ARHGEF3: variants seen among roughly 807,000 people sequenced by gnomAD.
ARHGEF3 encodes the protein Rho guanine nucleotide exchange factor 3.
Under a neutral mutation model 63.2 loss-of-function variants are expected in ARHGEF3, and 28 were observed. That is an observed-to-expected ratio of 0.44 (90% CI 0.33 to 0.61). ARHGEF3 has a LOEUF of 0.61. ARHGEF3 is among the 20% of genes least tolerant of loss of function. The pLI, the probability that ARHGEF3 is intolerant of heterozygous loss-of-function variation, is 0.03. For missense variants in ARHGEF3, 533 were observed against 659.3 expected (o/e 0.81, Z 2.10); for synonymous variants, 266 against 254.2 (o/e 1.05, Z -0.44).
chr3:56,862,077 G>A (rs1183816879), intron 4 of ARHGEF3, among the ~76,000 whole-genome samples: 1 of 152,048 alleles, frequency 6.6e-6, no homozygotes, highest in Non-Finnish European at 1.5e-5. Flanking sequence ...TTAAAATGAA[G>A]GAGCAAATGA....
chr3:56,990,801 T>C (rs929953961), intron 2 of ARHGEF3, among the ~76,000 whole-genome samples: 4 of 152,164 alleles, frequency 2.6e-5, no homozygotes, highest in Non-Finnish European at 5.9e-5. Context: ...AGCTCATGAA[T>C]GGCAGAGCTT....
intron 2 of ARHGEF3, among the ~76,000 whole-genome samples, chr3:56,995,957 C>A (rs1165421351): frequency 4.6e-5 from 7 of 152,102 alleles, no homozygotes; most frequent in Non-Finnish European, 8.8e-5. Context: ...AGAAGTAATT[C>A]ATCAGCTGAG....
chr3:56,872,167 A>G (rs1176716614), intron 4 of ARHGEF3, among the ~76,000 whole-genome samples: 3 of 152,190 alleles, frequency 2.0e-5, no homozygotes, highest in African/African-American at 7.2e-5. Flanking sequence ...CTTTGGGCAC[A>G]TATAAACAGT....
At chr3:57,030,998 C>A (rs1703708222) in intron 2 of ARHGEF3, among the ~76,000 whole-genome samples, 1 of 152,218 alleles carries the variant, frequency 6.6e-6, no homozygotes, top group African/African-American at 2.4e-5. Flanking sequence ...AGCCCCAGTC[C>A]TTGAGGAAGT....
At chr3:56,874,664 T>G (rs1450263779) in intron 4 of ARHGEF3, among the ~76,000 whole-genome samples, 1 of 152,166 alleles carries the variant, frequency 6.6e-6, no homozygotes, top group Non-Finnish European at 1.5e-5. Flanking sequence ...AATTTGGGGA[T>G]GCCTGTCATA....
At chr3:56,748,553 T>A (rs1395860305) in intron 6 of ARHGEF3, among the ~76,000 whole-genome samples, 3 of 135,398 alleles carry the variant, frequency 2.2e-5, no homozygotes, top group African/African-American at 8.3e-5. Context: ...AAATCTATTT[T>A]TTTTTTTTTT....
At chr3:56,959,439 G>A (rs1002338651) in intron 2 of ARHGEF3, among the ~76,000 whole-genome samples, 2 of 152,302 alleles carry the variant, frequency 1.3e-5, no homozygotes, top group Admixed American at 1.3e-4. Flanking sequence ...AGTGGAGGCA[G>A]CTTCAAGACA....
At chr3:56,935,861 C>T (rs1560064544) in intron 3 of ARHGEF3, among the ~76,000 whole-genome samples, 2 of 152,190 alleles carry the variant, frequency 1.3e-5, no homozygotes, top group South Asian at 4.1e-4. Context: ...GTGCTAAATA[C>T]TTGATATGAT....
intron 2 of ARHGEF3, among the ~76,000 whole-genome samples, chr3:56,978,778 A>C (rs1701217440): frequency 6.6e-6 from 1 of 152,244 alleles, no homozygotes; most frequent in Admixed American, 6.5e-5. Flanking sequence ...TGGGCCTAGC[A>C]ATAAGGGTAC....
At chr3:57,029,993 T>C (rs1286423065) in intron 2 of ARHGEF3, among the ~76,000 whole-genome samples, 1 of 152,032 alleles carries the variant, frequency 6.6e-6, no homozygotes, top group Non-Finnish European at 1.5e-5. Flanking sequence ...AATGCCAAGA[T>C]GGGAGCTGAT....
intron 1 of ARHGEF3, among the ~76,000 whole-genome samples, chr3:57,070,904 C>T (rs547134854): frequency 1.8e-4 from 26 of 146,244 alleles, no homozygotes; most frequent in South Asian, 4.3e-4. Context: ...CCCAGGAGGT[C>T]GAGGCTACAG....
chr3:56,850,978 T>A (rs1046781497), intron 4 of ARHGEF3, among the ~76,000 whole-genome samples: 2 of 152,120 alleles, frequency 1.3e-5, no homozygotes, highest in Non-Finnish European at 2.9e-5. Context: ...AGCTAGTAAG[T>A]GGTAGAGTGA....
At chr3:56,995,404 C>T (rs1210852817) in intron 2 of ARHGEF3, among the ~76,000 whole-genome samples, 1 of 152,044 alleles carries the variant, frequency 6.6e-6, no homozygotes, top group Non-Finnish European at 1.5e-5. Flanking sequence ...GATATAAAAT[C>T]TTCCAGACAG....
intron 3 of ARHGEF3, among the ~76,000 whole-genome samples, chr3:56,952,110 TAGATCATCAAGAGAG>T (rs1052077923): frequency 6.6e-6 from 1 of 152,006 alleles, no homozygotes; most frequent in African/African-American, 2.4e-5. Flanking sequence ...CATTGGCTTT[TAGATCATCAAGAGAG>T]AGATCATCTG....
chr3:56,762,125 A>G (rs1287400872), intron 2 of ARHGEF3, among the ~76,000 whole-genome samples: 1 of 152,140 alleles, frequency 6.6e-6, no homozygotes, highest in African/African-American at 2.4e-5. Context: ...ACCTCCAGAC[A>G]TTGCCAAATG....
chr3:57,055,162 G>GTT (rs1560165562), intron 1 of ARHGEF3, among the ~76,000 whole-genome samples: 6,216 of 139,726 alleles, frequency 0.044, 550 homozygotes, highest in African/African-American at 0.16. Context: ...TTCTCTTTAT[G>GTT]CTTTTTTTTT....
intron 4 of ARHGEF3, among the ~76,000 whole-genome samples, chr3:56,871,266 T>C (rs1471007791): frequency 6.6e-6 from 1 of 152,134 alleles, no homozygotes; most frequent in Non-Finnish European, 1.5e-5. Flanking sequence ...ATGAAAGATA[T>C]GACATTTTAC....
Position 56,861,097 on chromosome 3 carries a change from C to T in ARHGEF3, c.192+21195G>A, listed in dbSNP as rs1228669717. Among the ~76,000 whole-genome samples the T allele has an allele frequency of 3.9e-5, 6 of 152,292 alleles. No homozygotes were observed. In the South Asian group the frequency reaches 8.3e-4, roughly 21 times the overall value. Reference sequence around the variant, plus strand: ...AAGTCTTGGAGAAAAGAAACCATGTCGGCTTTAGCTTCCTGTAAGACAAGT... The same window carrying T: ...AAGTCTTGGAGAAAAGAAACCATGTTGGCTTTAGCTTCCTGTAAGACAAGT... On this transcript the variant is annotated intron_variant, in intron 4 of 12. Transcript: ENST00000338458.
chr3:56,815,893 GCC>G (rs1559964135), intron 4 of ARHGEF3, among the ~76,000 whole-genome samples: 1 of 152,122 alleles, frequency 6.6e-6, no homozygotes, highest in Non-Finnish European at 1.5e-5. Flanking sequence ...AAGTGGTAGG[GCC>G]ATACCTAATT....
Sources: gnomAD v4.1 joint callset for allele counts (sites outside exome capture counted in the v4.1 genomes callset) on GRCh38, gnomAD v4.1.1 for gene constraint, MANE v1.5 for transcripts, NCBI Gene and HGNC (gene_info 2026-07-23, HGNC 2026-07-21) for gene names.